Variants in RAB27B observed in about 807,000 individuals in gnomAD.
RAB27B encodes the protein RAB27B, member RAS oncogene family.
In RAB27B, 15 loss-of-function variants were observed where a neutral mutation model predicts 24.6. The ratio of observed to expected loss-of-function variants is 0.61; its 90% CI spans 0.41 to 0.94. The LOEUF is 0.94. Among genes scored for constraint, RAB27B ranks in the 40% least tolerant of loss-of-function variants. The pLI, the probability that RAB27B is intolerant of heterozygous loss-of-function variation, is 0.00. For missense variants in RAB27B, 261 were observed against 266.8 expected (o/e 0.98, Z 0.15); for synonymous variants, 105 against 92.5 (o/e 1.14, Z -0.78).
intron 1 of RAB27B, among the ~76,000 whole-genome samples, chr18:54,846,999 C>T (rs926755382): frequency 1.8e-4 from 28 of 152,108 alleles, no homozygotes; most frequent in African/African-American, 6.3e-4. Flanking sequence ...TATAGGTGCC[C>T]GCCACCACAC....
intron 2 of RAB27B, among the ~76,000 whole-genome samples, chr18:54,814,285 A>G (rs944447945): frequency 2.0e-5 from 3 of 152,246 alleles, no homozygotes; most frequent in Admixed American, 2.0e-4. Context: ...GCTGTGAAAG[A>G]TGCAGATTTA....
intron 2 of RAB27B, among the ~76,000 whole-genome samples, chr18:54,721,129 TG>T (rs1909346196): frequency 6.6e-6 from 1 of 152,308 alleles, no homozygotes; most frequent in African/African-American, 2.4e-5. Flanking sequence ...CAGAACTGGA[TG>T]TTACTTATAA....
intron 2 of RAB27B, among the ~76,000 whole-genome samples, chr18:54,771,259 AT>A (rs1159741713): frequency 6.6e-6 from 1 of 151,320 alleles, no homozygotes; most frequent in Non-Finnish European, 1.5e-5. Flanking sequence ...AAGCATTGAT[AT>A]AAAAAAACTG....
intron 2 of RAB27B, among the ~76,000 whole-genome samples, chr18:54,761,471 G>A (rs2145051263): frequency 6.6e-6 from 1 of 152,206 alleles, no homozygotes; most frequent in African/African-American, 2.4e-5. Context: ...TAAGCTATGG[G>A]TATTTTTAAT....
intron 2 of RAB27B, among the ~76,000 whole-genome samples, chr18:54,722,853 G>A (rs1325307876): frequency 6.6e-6 from 1 of 152,116 alleles, no homozygotes; most frequent in Non-Finnish European, 1.5e-5. Context: ...GGATCAAAAT[G>A]GTTCAACAAT....
chr18:54,875,376 T>C (rs1912651901), intron 1 of RAB27B, among the ~76,000 whole-genome samples: 1 of 152,124 alleles, frequency 6.6e-6, no homozygotes, highest in African/African-American at 2.4e-5. Context: ...AGTCCATTCT[T>C]GGCAGTCACA....
At chr18:54,783,862 A>G (rs1338586026) in intron 2 of RAB27B, among the ~76,000 whole-genome samples, 1 of 152,124 alleles carries the variant, frequency 6.6e-6, no homozygotes, top group Non-Finnish European at 1.5e-5. Flanking sequence ...GAGAGCAGCC[A>G]GACTCTGGAC....
chr18:54,819,258 ATACT>A lies in RAB27B; in HGVS notation c.-19-58306_-19-58303del, dbSNP rs755930934. On this transcript the variant is annotated intron_variant, in intron 2 of 4. Transcript: ENST00000586570. The stretch of plus-strand genomic sequence containing the variant: ...TAAAATATAATACATAAATATAAAC[ATACT>A]TATTACATTACTTATTTTAGTATAC... Among the ~76,000 whole-genome samples the A allele has an allele frequency of 7.3e-3, 1,085 of 148,060 alleles. 5 individuals are homozygous for A. Among genetic ancestry groups the A allele is most frequent in the Non-Finnish European group, 0.012 (826 of 67,168 alleles).
At chr18:54,824,226 CATA>C (rs1910400306), upstream of RAB27B, among the ~76,000 whole-genome samples, 2 of 152,290 alleles carry the variant, frequency 1.3e-5, no homozygotes, top group African/African-American at 4.8e-5. Flanking sequence ...GGTATTCTAT[CATA>C]ATGTTTCTTT....
Position 54,841,166 on chromosome 18 carries a change from G to GGT in RAB27B, c.-20+12467_-20+12468insTG, listed in dbSNP as rs1568090950. 1.4e-4 allele frequency among the ~76,000 whole-genome samples: 16 copies of GGT among 114,010 alleles called. 1 individual carries two copies. The highest frequency in any genetic ancestry group is 4.6e-4 in the African/African-American group (16 of 34,566). 74.8% of individuals were successfully genotyped at this position (114,010 alleles called of 152,430 possible). A position where few individuals can be genotyped will look rare whatever the true frequency, so the allele number is the denominator to read the frequency against. On this transcript the variant is annotated intron_variant, in intron 1 of 5. Transcript: ENST00000262094. The stretch of plus-strand genomic sequence containing the variant: ...TGTCTTTGGGTGGCGGGGCGGTGGG[G>GGT]GGTTTGGTGAGAGGGGCGGGAAAAA...
At position 54,800,060 on chromosome 18, in the gene RAB27B, C is replaced by T. The variant is rs571286729; in HGVS notation, c.-19-77507C>T. Among the ~76,000 whole-genome samples the T allele has an allele frequency of 2.0e-5, 3 of 152,312 alleles. No individual in the cohort carries two copies. The South Asian group carries it at 6.2e-4, about 32-fold the overall frequency. On this transcript the variant is annotated intron_variant, in intron 2 of 4. Coordinates refer to the RAB27B transcript ENST00000586570. Reference sequence around the variant, plus strand: ...GAGAACTTCTCTTTCAAAGACTTAACTAACTGTCCCTCAGCTCTTCCATCT... The same window carrying T: ...GAGAACTTCTCTTTCAAAGACTTAATTAACTGTCCCTCAGCTCTTCCATCT...
intron 2 of RAB27B, among the ~76,000 whole-genome samples, chr18:54,804,408 CT>C (rs1909703448): frequency 6.6e-6 from 1 of 152,148 alleles, no homozygotes; most frequent in Non-Finnish European, 1.5e-5. Flanking sequence ...GGAGTTTCTG[CT>C]TTTGCTTCTT....
At chr18:54,813,808 C>T (rs1910040209) in intron 2 of RAB27B, among the ~76,000 whole-genome samples, 3 of 152,048 alleles carry the variant, frequency 2.0e-5, no homozygotes, top group Non-Finnish European at 4.4e-5. Context: ...TGAGCGATAT[C>T]TATACTTCAA....
At chr18:54,859,507 T>C (rs1911927662) in intron 1 of RAB27B, among the ~76,000 whole-genome samples, 2 of 151,476 alleles carry the variant, frequency 1.3e-5, no homozygotes, top group Admixed American at 6.6e-5. Flanking sequence ...AAAAATCACC[T>C]ATTCGAAAGC....
intron 1 of RAB27B, 129 bp from the exon 2 acceptor site, chr18:54,877,438 T>C (rs1008732082): frequency 4.4e-6 from 3 of 681,806 alleles, no homozygotes; most frequent in Non-Finnish European, 6.5e-6. Context: ...ATCAAGTTAA[T>C]TTCAAATATG....
chr18:54,767,954 G>C lies in RAB27B; in HGVS notation c.-20+49813G>C, dbSNP rs529150097. Among the ~76,000 whole-genome samples the C allele has an allele frequency of 8.5e-5, 13 of 152,214 alleles. No homozygotes were observed. The East Asian group carries it at 2.5e-3, about 29-fold the overall frequency. On this transcript the variant is annotated intron_variant, in intron 2 of 4. Coordinates refer to the RAB27B transcript ENST00000586570. Reference sequence around the variant, plus strand: ...GTGGGAAAATTAAATAATGATCAGGGATATAGTAATAAATAAGAGATAGTC... The same window carrying C: ...GTGGGAAAATTAAATAATGATCAGGCATATAGTAATAAATAAGAGATAGTC...
chr18:54,823,833 A>T (rs1910387279), upstream of RAB27B, among the ~76,000 whole-genome samples: 1 of 152,170 alleles, frequency 6.6e-6, no homozygotes, highest in African/African-American at 2.4e-5. Flanking sequence ...TTTAAGGGTA[A>T]TTTAAAATTA....
Position 54,856,043 on chromosome 18 carries a change from C to A in RAB27B, c.-19-21524C>A, listed in dbSNP as rs142362113. 9.3e-3 allele frequency among the ~76,000 whole-genome samples: 1,413 copies of A among 152,232 alleles called. 9 individuals are homozygous for A. The highest frequency in any genetic ancestry group is 0.014 in the Non-Finnish European group (942 of 68,024). On this transcript the variant is annotated intron_variant, in intron 1 of 5. Coordinates refer to ENST00000262094, the MANE Select transcript of RAB27B (RefSeq NM_004163.4). The stretch of plus-strand genomic sequence containing the variant: ...AGCTTCTGCCTTCCTAGAGCTTGCA[C>A]CCTAGTGGGAAAAGCAAGTGATAAT...
At chr18:54,850,613 A>G (rs926180162) in intron 1 of RAB27B, among the ~76,000 whole-genome samples, 2 of 151,110 alleles carry the variant, frequency 1.3e-5, no homozygotes, top group East Asian at 1.9e-4. Flanking sequence ...TGATCCACCT[A>G]TCCTGGCCTC....
Sources: allele counts gnomAD v4.1 joint callset (sites outside exome capture counted in the v4.1 genomes callset), GRCh38; gene constraint gnomAD v4.1.1; transcripts MANE v1.5; gene names NCBI Gene and HGNC (gene_info 2026-07-23, HGNC 2026-07-21).